PLCZ1: variants seen among roughly 807,000 people sequenced by gnomAD.
The protein encoded by PLCZ1 is 1-phosphatidylinositol 4,5-bisphosphate phosphodiesterase zeta-1.
PLCZ1 carries 64 observed loss-of-function variants against 76.8 expected under a neutral mutation model. The ratio of observed to expected loss-of-function variants is 0.83; its 90% CI spans 0.68 to 1.03. The LOEUF (loss-of-function observed/expected upper bound fraction) is 1.03, where lower values mean the gene tolerates loss of function less well. PLCZ1 is among the 50% of genes least tolerant of loss of function. PLCZ1 has a pLI of 0.00. For synonymous variants in PLCZ1, 248 were observed against 230.8 expected, an observed-to-expected ratio of 1.07 and a Z score of -0.68; for missense variants, 751 against 713.7, an observed-to-expected ratio of 1.05 and a Z score of -0.60.
the PLCZ1 span, among the ~76,000 whole-genome samples, chr12:18,673,100 T>A: frequency 6.6e-6 from 1 of 152,166 alleles, no homozygotes; most frequent in African/African-American, 2.4e-5. Context: ...AGAAAAGTTC[T>A]AAAAATTAGT....
intron 3 of PLCZ1, among the ~76,000 whole-genome samples, chr12:18,723,746 G>T (rs749544809): frequency 6.6e-6 from 1 of 152,028 alleles, no homozygotes; most frequent in Non-Finnish European, 1.5e-5. Context: ...GAAACCCAGT[G>T]GTTATAGGGA....
intron 6 of PLCZ1, among the ~76,000 whole-genome samples, chr12:18,711,121 A>C (rs529672807): frequency 1.1e-4 from 16 of 151,900 alleles, no homozygotes; most frequent in African/African-American, 3.4e-4. Context: ...ATAGCAAAGA[A>C]TTGGAACCAA....
At chr12:18,650,700 G>A in the PLCZ1 span, among the ~76,000 whole-genome samples, 121 of 43,780 alleles carry the variant, frequency 2.8e-3, 4 homozygotes, top group African/African-American at 7.6e-3. Flanking sequence ...GTGTGTGTGT[G>A]TGTGTATATA....
the PLCZ1 span, among the ~76,000 whole-genome samples, chr12:18,666,299 T>G: frequency 2.0e-5 from 3 of 152,078 alleles, no homozygotes; most frequent in Admixed American, 6.6e-5. Context: ...AGGGCATATT[T>G]GGCAAAATGC....
the PLCZ1 span, among the ~76,000 whole-genome samples, chr12:18,676,993 T>C: frequency 6.6e-6 from 1 of 152,128 alleles, no homozygotes; most frequent in Non-Finnish European, 1.5e-5. Context: ...TGTTGCTTAC[T>C]GAACAGATAT....
In PLCZ1 at chr12:18,713,907, A is replaced by G. The variant is rs192896095; in HGVS notation, c.570-921T>C. On this transcript the variant is annotated intron_variant, in intron 5 of 14. Coordinates refer to ENST00000266505, the MANE Select transcript of PLCZ1 (RefSeq NM_033123.4). ...AAATCAGTTGTACCCACTGTGTTTA[A>G]ATTAATTTTCAGTGTTCATACTACA... is the stretch of plus-strand genomic sequence containing the variant. 45 of 152,340 alleles carry G rather than the reference A, an allele frequency of 3.0e-4. 1 individual carries two copies. Among genetic ancestry groups the G allele is most frequent in the Admixed American group, 1.4e-3 (21 of 15,298 alleles). 9.4% of individuals were successfully genotyped at this position (152,340 alleles called of 1,614,324 possible). A position where few individuals can be genotyped will look rare whatever the true frequency, so the allele number is the denominator to read the frequency against.
At chr12:18,707,139 C>A (rs1208124728) in intron 6 of PLCZ1, among the ~76,000 whole-genome samples, 5 of 152,190 alleles carry the variant, frequency 3.3e-5, no homozygotes, top group African/African-American at 4.8e-5. Flanking sequence ...CCAGAATAAT[C>A]TCCCCATCTA....
chr12:18,721,374 T>C (rs1958426197), intron 4 of PLCZ1, among the ~76,000 whole-genome samples: 1 of 152,142 alleles, frequency 6.6e-6, no homozygotes, highest in East Asian at 1.9e-4. Context: ...ACCAAAGTGA[T>C]CAATAATCAT....
intron 13 of PLCZ1, among the ~76,000 whole-genome samples, chr12:18,685,030 T>C (rs1952886937): frequency 6.6e-6 from 1 of 152,108 alleles, no homozygotes; most frequent in South Asian, 2.1e-4. Context: ...GAACTGTGAG[T>C]CAATTAAACC....
the PLCZ1 span, among the ~76,000 whole-genome samples, chr12:18,649,576 C>T: frequency 6.6e-6 from 1 of 152,246 alleles, no homozygotes; most frequent in South Asian, 2.1e-4. Flanking sequence ...TGCAGCAAAA[C>T]TCTTCAAAAT....
downstream of PLCZ1, among the ~76,000 whole-genome samples, chr12:18,678,506 C>G (rs1376118361): frequency 6.6e-6 from 1 of 151,986 alleles, no homozygotes; most frequent in African/African-American, 2.4e-5. Flanking sequence ...TTAATCCATC[C>G]CTCTTTCCAT....
chr12:18,686,340 A>G (rs1953150398), intron 13 of PLCZ1, among the ~76,000 whole-genome samples: 1 of 152,046 alleles, frequency 6.6e-6, no homozygotes, highest in African/African-American at 2.4e-5. Flanking sequence ...AGAAAAAAGA[A>G]AGTTCCTGAC....
intron 11 of PLCZ1, among the ~76,000 whole-genome samples, chr12:18,695,317 A>C (rs1165890968): frequency 1.3e-5 from 2 of 152,210 alleles, no homozygotes; most frequent in African/African-American, 4.8e-5. Context: ...CTTTGAGTAA[A>C]GAAATCAAAA....
At chr12:18,672,853 C>G in the PLCZ1 span, among the ~76,000 whole-genome samples, 5 of 152,116 alleles carry the variant, frequency 3.3e-5, no homozygotes, top group African/African-American at 1.2e-4. Flanking sequence ...AGGGCTACTA[C>G]CTAGGCAGAG....
Position 18,688,210 on chromosome 12 carries a change from A to G in PLCZ1, c.1470T>C (p.Ser490=). ...AATGAGTAAGAGGCAACTGGATACC[A>G]CTGATGAGCTGCACAAATATATATG... ...MPITLTIRLI[S]GIQLPLTHSS... The change falls in exon 13 of 15, where the codon AGT becomes AGC. Residue 490 remains serine (S), a synonymous_variant. Coordinates refer to ENST00000266505, the MANE Select transcript of PLCZ1 (RefSeq NM_033123.4). The G allele has an allele frequency of 6.2e-7, 1 of 1,608,630 alleles. No individual in the cohort carries two copies. Among genetic ancestry groups the G allele is most frequent in the Non-Finnish European group, 8.5e-7 (1 of 1,177,550 alleles).
At chr12:18,728,573 A>G (rs955218532) in intron 3 of PLCZ1, among the ~76,000 whole-genome samples, 1 of 152,154 alleles carries the variant, frequency 6.6e-6, no homozygotes, top group Admixed American at 6.6e-5. Flanking sequence ...ACAGAAGGAG[A>G]AGGACTGATC....
Position 18,699,861 on chromosome 12 carries a change from T to C in PLCZ1, c.1107A>G (p.Leu369=). The C allele has an allele frequency of 6.2e-7, 1 of 1,613,206 alleles. No homozygotes were observed. The highest frequency in any genetic ancestry group is 8.5e-7 in the Non-Finnish European group (1 of 1,179,492). ...AATTATTTTCATTAAATTGCTGATA[T>C]AATCTTGAATGTTGAAAGCTTTTGA... ...EKFKSFQHSR[L]YQQFNENNSI... is the part of the protein sequence containing the mutation. The change falls in exon 10 of 15, where the codon TTA becomes TTG. Residue 369 remains leucine (L), a synonymous_variant. Transcript: ENST00000266505.
chr12:18,691,270 G>C (rs1300928722), intron 12 of PLCZ1, among the ~76,000 whole-genome samples: 3 of 152,142 alleles, frequency 2.0e-5, no homozygotes, highest in Admixed American at 6.6e-5. Flanking sequence ...ATTTAAGTAA[G>C]AGCAGAAGTA....
chr12:18,719,724 T>G, intron 4 of PLCZ1, 92 bp from the exon 5 acceptor site: 1 of 796,628 alleles, frequency 1.3e-6, no homozygotes, highest in East Asian at 2.8e-5. Flanking sequence ...TACTCAGTAG[T>G]AGAGCATATT....
Sources: gnomAD v4.1 joint callset for allele counts (sites outside exome capture counted in the v4.1 genomes callset) on GRCh38, gnomAD v4.1.1 for gene constraint, MANE v1.5 for transcripts, NCBI Gene and HGNC (gene_info 2026-07-23, HGNC 2026-07-21) for gene names.